KPNA3: variants seen among roughly 807,000 people sequenced by gnomAD.
The protein encoded by KPNA3 is importin subunit alpha-4.
A neutral mutation model predicts 73.8 loss-of-function variants in KPNA3; 13 were observed. That is an observed-to-expected ratio of 0.18 (90% CI 0.11 to 0.28). The LOEUF is 0.28. Ranked by LOEUF, KPNA3 falls within the 10% of genes least tolerant of loss-of-function variation. The pLI is 1.00. For synonymous variants in KPNA3, 186 were observed against 206.9 expected (o/e 0.90, Z 0.87); for missense variants, 360 against 618.1 (o/e 0.58, Z 4.43).
chr13:49,710,764 C>G, intron 11 of KPNA3, 127 bp downstream of exon 11: 1 of 843,102 alleles, frequency 1.2e-6, no homozygotes, highest in Non-Finnish European at 1.8e-6. Context: ...CAAAATCAGG[C>G]TCAGGGACTA....
At chr13:49,712,428 T>C (rs905744252) in intron 10 of KPNA3, among the ~76,000 whole-genome samples, 5 of 145,346 alleles carry the variant, frequency 3.4e-5, no homozygotes, top group African/African-American at 1.3e-4. Context: ...CCCGACATGA[T>C]AGAAGGGGGA....
intron 6 of KPNA3, among the ~76,000 whole-genome samples, chr13:49,727,278 T>C (rs1954418257): frequency 6.6e-6 from 1 of 151,740 alleles, no homozygotes; most frequent in African/African-American, 2.4e-5. Flanking sequence ...CAAAACCCCC[T>C]CTCTACTAAA....
rs1457331278 is a variant in KPNA3, at chr13:49,752,772, T to C, written c.70-5779A>G. ...GGCTGGGCACGGTGGCTTACGTCTG[T>C]AATCCCAGCACTTTGGGAGGCCGAG... On this transcript the variant is annotated intron_variant, in intron 1 of 16. Coordinates refer to ENST00000261667, the MANE Select transcript of KPNA3 (RefSeq NM_002267.4). Among the ~76,000 whole-genome samples the C allele has an allele frequency of 3.9e-5, 6 of 152,064 alleles. No homozygotes were observed. In the East Asian group the frequency reaches 1.2e-3, roughly 29 times the overall value.
intron 1 of KPNA3, among the ~76,000 whole-genome samples, chr13:49,767,593 A>G (rs1954819504): frequency 6.6e-6 from 1 of 152,124 alleles, no homozygotes; most frequent in Admixed American, 6.5e-5. Context: ...ATGTGACTCA[A>G]ATTGCAAAAA....
At chr13:49,704,914 A>G (rs1056593075) in intron 15 of KPNA3, among the ~76,000 whole-genome samples, 1 of 152,220 alleles carries the variant, frequency 6.6e-6, no homozygotes, top group Admixed American at 6.5e-5. Flanking sequence ...ACAGAATTAC[A>G]TGGTAATAAC....
intron 1 of KPNA3, among the ~76,000 whole-genome samples, chr13:49,764,550 C>A (rs1045519742): frequency 2.0e-5 from 3 of 152,082 alleles, no homozygotes; most frequent in Admixed American, 6.6e-5. Flanking sequence ...TCCTAACGTG[C>A]ACGTCCAAAT....
intron 1 of KPNA3, among the ~76,000 whole-genome samples, chr13:49,752,105 T>C (rs1203306340): frequency 6.6e-6 from 1 of 152,100 alleles, no homozygotes; most frequent in East Asian, 1.9e-4. Flanking sequence ...GACTAGAGAC[T>C]TTGGAAAGGC....
intron 1 of KPNA3, among the ~76,000 whole-genome samples, chr13:49,751,964 C>T (rs1395613729): frequency 6.6e-6 from 1 of 152,156 alleles, no homozygotes; most frequent in Non-Finnish European, 1.5e-5. Flanking sequence ...AACGAATTCT[C>T]AAATACAAGC....
intron 1 of KPNA3, among the ~76,000 whole-genome samples, chr13:49,760,573 T>TA (rs2137582098): frequency 6.6e-6 from 1 of 152,304 alleles, no homozygotes; most frequent in Admixed American, 6.5e-5. Context: ...AATCGCAATG[T>TA]GTGGACCTTG....
chr13:49,756,168 G>T (rs1055250635), intron 1 of KPNA3, among the ~76,000 whole-genome samples: 3 of 152,202 alleles, frequency 2.0e-5, no homozygotes, highest in African/African-American at 4.8e-5. Context: ...CAGCTACTGG[G>T]GAGGGTGAGG....
chr13:49,764,864 T>TTTA (rs1220623031), intron 1 of KPNA3, among the ~76,000 whole-genome samples: 2 of 152,238 alleles, frequency 1.3e-5, no homozygotes, highest in African/African-American at 4.8e-5. Flanking sequence ...CTTCTACTTA[T>TTTA]TTAGTCCACT....
At chr13:49,715,510 T>C (rs936564831) in intron 10 of KPNA3, among the ~76,000 whole-genome samples, 4 of 152,218 alleles carry the variant, frequency 2.6e-5, no homozygotes, top group Non-Finnish European at 4.4e-5. Flanking sequence ...CACACTCTAT[T>C]GGCAAGGATA....
At chr13:49,718,516 G>A (rs1954325699) in intron 10 of KPNA3, among the ~76,000 whole-genome samples, 1 of 152,138 alleles carries the variant, frequency 6.6e-6, no homozygotes, top group Non-Finnish European at 1.5e-5. Flanking sequence ...GGAAAGTCCT[G>A]AGGCAAACAG....
chr13:49,719,747 C>A (rs1227260395), intron 10 of KPNA3, 28 bp downstream of exon 10: 2 of 1,545,650 alleles, frequency 1.3e-6, no homozygotes, highest in East Asian at 4.5e-5. Flanking sequence ...AGAGCAAAAT[C>A]CCACATTTAA....
intron 1 of KPNA3, among the ~76,000 whole-genome samples, chr13:49,753,841 C>T (rs915290253): frequency 2.6e-5 from 4 of 152,198 alleles, no homozygotes; most frequent in East Asian, 1.9e-4. Flanking sequence ...CCATCCTCCC[C>T]GACCCGCCAT....
chr13:49,775,954 T>C (rs925614418), intron 1 of KPNA3, among the ~76,000 whole-genome samples: 2 of 152,192 alleles, frequency 1.3e-5, no homozygotes, highest in Admixed American at 6.5e-5. Flanking sequence ...CTCTCAAATA[T>C]CCCAAATTTT....
intron 1 of KPNA3, among the ~76,000 whole-genome samples, chr13:49,761,090 G>T (rs925003344): frequency 6.6e-6 from 1 of 152,170 alleles, no homozygotes; most frequent in Non-Finnish European, 1.5e-5. Flanking sequence ...TCTGAAAGAC[G>T]TCATACTTTG....
intron 6 of KPNA3, among the ~76,000 whole-genome samples, chr13:49,727,094 A>C (rs986825301): frequency 1.3e-5 from 2 of 152,200 alleles, no homozygotes; most frequent in Non-Finnish European, 2.9e-5. Context: ...GACAAAGGTT[A>C]GGGAGTTTGA....
At chr13:49,751,864 T>C (rs906452670) in intron 1 of KPNA3, among the ~76,000 whole-genome samples, 4 of 152,108 alleles carry the variant, frequency 2.6e-5, no homozygotes, top group African/African-American at 7.2e-5. Context: ...GCCATGATCA[T>C]ACCACTACAC....
Sources: allele counts gnomAD v4.1 joint callset (sites outside exome capture counted in the v4.1 genomes callset), GRCh38; gene constraint gnomAD v4.1.1; transcripts MANE v1.5; gene names NCBI Gene and HGNC (gene_info 2026-07-23, HGNC 2026-07-21).